The following CBFA2T2 variants were observed in gnomAD, a reference collection of about 807,000 sequenced individuals.
CBFA2T2 encodes the protein CBFA2/RUNX1 partner transcriptional co-repressor 2.
A neutral mutation model predicts 62.2 loss-of-function variants in CBFA2T2; 11 were observed. The ratio of observed to expected loss-of-function variants is 0.18; its 90% CI spans 0.11 to 0.29. The LOEUF (loss-of-function observed/expected upper bound fraction) is 0.29. Ranked by LOEUF, CBFA2T2 falls within the 10% of genes least tolerant of loss-of-function variation. CBFA2T2 has a pLI of 1.00. For missense variants in CBFA2T2, 592 were observed against 774.1 expected, an observed-to-expected ratio of 0.76 and a Z score of 2.79; for synonymous variants, 295 against 287.5, an observed-to-expected ratio of 1.03 and a Z score of -0.27.
chr20:33,502,541 C>T (rs950843369), intron 1 of CBFA2T2, among the ~76,000 whole-genome samples: 1 of 151,538 alleles, frequency 6.6e-6, no homozygotes, highest in Non-Finnish European at 1.5e-5. Context: ...GTAGCTGGGA[C>T]CACAGGCGCC....
Position 33,644,498 on chromosome 20 carries a change from G to A in CBFA2T2, c.1640G>A (p.Gly547Asp). ...CATGGCCAGAGCCCCCACGGCCAGG[G>A]CCGGCCGCTGCTTCCTGTAGGCAGG... is the stretch of plus-strand genomic sequence containing the variant. ...NLHGQSPHGQ[G>D]RPLLPVGRGS... Residue 547 changes from glycine (G) to aspartate (D), a missense_variant, in exon 11 of 11, where the codon GGC (glycine) becomes GAC (aspartate). Coordinates refer to ENST00000342704, the MANE Select transcript of CBFA2T2 (RefSeq NM_001032999.3). 6.2e-7 allele frequency: 1 copy of A among 1,614,100 alleles called. No individual in the cohort carries two copies.
intron 4 of CBFA2T2, among the ~76,000 whole-genome samples, chr20:33,621,313 T>C (rs865972409): frequency 9.3e-6 from 1 of 108,098 alleles, no homozygotes; most frequent in Admixed American, 9.0e-5. Flanking sequence ...TTTTTTTTTT[T>C]GGGGAGACAA....
intron 1 of CBFA2T2, among the ~76,000 whole-genome samples, chr20:33,582,896 C>T (rs568555224): frequency 4.0e-5 from 6 of 151,686 alleles, no homozygotes; most frequent in South Asian, 2.1e-4. Context: ...GAACGAAGAT[C>T]GCACCACTGC....
intron 2 of CBFA2T2, 34 bp downstream of exon 2, chr20:33,607,133 A>C (rs2015371365): frequency 6.3e-7 from 1 of 1,599,580 alleles, no homozygotes. Context: ...TTTGTAGTTC[A>C]GAGTGACATT....
At chr20:33,640,645 A>C in intron 10 of CBFA2T2, 114 bp downstream of exon 10, 1 of 921,874 alleles carries the variant, frequency 1.1e-6, no homozygotes, top group Non-Finnish European at 1.6e-6. Flanking sequence ...GAGCTCAATG[A>C]GGATAATTTT....
chr20:33,561,830 T>A (rs1057152972), intron 1 of CBFA2T2, among the ~76,000 whole-genome samples: 1 of 152,228 alleles, frequency 6.6e-6, no homozygotes, highest in African/African-American at 2.4e-5. Context: ...GCCTGCATTG[T>A]CTTATTTTAA....
chr20:33,588,034 A>G (rs1007651334), intron 1 of CBFA2T2, among the ~76,000 whole-genome samples: 3 of 152,244 alleles, frequency 2.0e-5, no homozygotes, highest in African/African-American at 7.2e-5. Flanking sequence ...AGAACTATAG[A>G]CTGAGAGAAC....
chr20:33,600,484 G>A lies in CBFA2T2; in HGVS notation c.35-6472G>A, dbSNP rs555093978. ...ATTACAGGTATGAGCCACTGCACCC[G>A]GCCTGGAAATTCTTACCATATGACA... On this transcript the variant is annotated intron_variant, in intron 1 of 10. Transcript: ENST00000342704. The A allele has an allele frequency of 2.9e-4, 120 of 412,658 alleles. 2 individuals carry two copies. The highest frequency in any genetic ancestry group is 1.0e-3 in the Middle Eastern group (3 of 2,942). The allele number at this position is 412,658 out of a possible 1,614,324, so 25.6% of individuals were successfully genotyped here.
At chr20:33,597,744 G>A (rs995007944) in intron 1 of CBFA2T2, among the ~76,000 whole-genome samples, 6 of 152,154 alleles carry the variant, frequency 3.9e-5, no homozygotes, top group South Asian at 2.1e-4. Flanking sequence ...GTAGTTCTTC[G>A]GTAGGTACAT....
At chr20:33,616,572 C>T (rs2015720809) in intron 3 of CBFA2T2, among the ~76,000 whole-genome samples, 1 of 151,940 alleles carries the variant, frequency 6.6e-6, no homozygotes, top group African/African-American at 2.4e-5. Flanking sequence ...ACTAAAAATA[C>T]AAAAATTAGC....
chr20:33,622,106 A>G (rs2122330565), intron 4 of CBFA2T2, among the ~76,000 whole-genome samples: 1 of 152,320 alleles, frequency 6.6e-6, no homozygotes, highest in South Asian at 2.1e-4. Flanking sequence ...TTGCAACAAG[A>G]TTGAGGTTAT....
intron 8 of CBFA2T2, among the ~76,000 whole-genome samples, chr20:33,634,915 T>A (rs1182815908): frequency 6.6e-6 from 1 of 152,108 alleles, no homozygotes; most frequent in Non-Finnish European, 1.5e-5. Flanking sequence ...TAGTAGCTCT[T>A]CAGGGAAAAG....
intron 10 of CBFA2T2, among the ~76,000 whole-genome samples, chr20:33,643,739 A>G (rs1206458861): frequency 3.1e-5 from 3 of 96,248 alleles, no homozygotes; most frequent in Non-Finnish European, 6.4e-5. Context: ...CAACATGGCA[A>G]AACCTCATCT....
intron 1 of CBFA2T2, among the ~76,000 whole-genome samples, chr20:33,599,933 T>C (rs2015047856): frequency 1.3e-5 from 2 of 152,130 alleles, no homozygotes; most frequent in South Asian, 4.1e-4. Flanking sequence ...CCATTTTTGT[T>C]GAATGATAAA....
chr20:33,597,483 G>T (rs144322323), intron 1 of CBFA2T2, among the ~76,000 whole-genome samples: 2 of 152,160 alleles, frequency 1.3e-5, no homozygotes, highest in African/African-American at 2.4e-5. Context: ...GTGTGGCACA[G>T]CAAGTGGTGA....
At chr20:33,527,958 C>T (rs970608654) in intron 1 of CBFA2T2, among the ~76,000 whole-genome samples, 1 of 152,102 alleles carries the variant, frequency 6.6e-6, no homozygotes, top group African/African-American at 2.4e-5. Flanking sequence ...CTTCTGGGCT[C>T]AAGCAGTCTT....
chr20:33,589,771 A>G (rs1269025506), intron 1 of CBFA2T2, among the ~76,000 whole-genome samples: 1 of 152,222 alleles, frequency 6.6e-6, no homozygotes, highest in Non-Finnish European at 1.5e-5. Flanking sequence ...GAGCTGTTCA[A>G]TTGAAATATA....
chr20:33,586,000 T>G (rs777177433), intron 1 of CBFA2T2, among the ~76,000 whole-genome samples: 1 of 152,218 alleles, frequency 6.6e-6, no homozygotes, highest in Non-Finnish European at 1.5e-5. Context: ...TTCTCATGTT[T>G]GTTGCTGAAT....
Position 33,644,806 on chromosome 20 carries a change from C to A in CBFA2T2, c.*160C>A. The A allele has an allele frequency of 1.4e-6, 1 of 726,692 alleles. No homozygotes were observed. The highest frequency in any genetic ancestry group is 2.2e-6 in the Non-Finnish European group (1 of 453,410). 45.0% of individuals were successfully genotyped at this position (726,692 alleles called of 1,614,324 possible). On this transcript the variant is annotated 3_prime_UTR_variant, in exon 11 of 11. Transcript: ENST00000342704. Reference sequence around the variant, plus strand: ...CCTGAATAATAACACCCCACAGCCTCTCTGTGCACTTGCTGTCTGCGGAGC... The same window carrying A: ...CCTGAATAATAACACCCCACAGCCTATCTGTGCACTTGCTGTCTGCGGAGC...
Sources: gnomAD v4.1 joint callset for allele counts (sites outside exome capture counted in the v4.1 genomes callset) on GRCh38, gnomAD v4.1.1 for gene constraint, MANE v1.5 for transcripts, NCBI Gene and HGNC (gene_info 2026-07-23, HGNC 2026-07-21) for gene names.